Variants in MYT1L observed in about 807,000 individuals in gnomAD.
MYT1L encodes the protein myelin transcription factor 1 like.
Under a neutral mutation model 126.7 loss-of-function variants are expected in MYT1L, and 12 were observed. The ratio of observed to expected loss-of-function variants is 0.09; its 90% CI spans 0.06 to 0.15. The LOEUF is 0.15. Ranked by LOEUF, MYT1L falls within the 10% of genes least tolerant of loss-of-function variation. MYT1L has a pLI of 1.00. For missense variants in MYT1L, 979 were observed against 1,585.2 expected (o/e 0.62, Z 6.49); for synonymous variants, 541 against 604.2 (o/e 0.90, Z 1.53).
chr2:1,813,838 T>C (rs1023441281), intron 21 of MYT1L, among the ~76,000 whole-genome samples: 1 of 125,756 alleles, frequency 8.0e-6, no homozygotes, highest in Non-Finnish European at 1.7e-5. Context: ...CCATCCTGGC[T>C]AACACGGTGA....
chr2:2,053,476 A>G (rs755124826), intron 4 of MYT1L, among the ~76,000 whole-genome samples: 33 of 152,374 alleles, frequency 2.2e-4, no homozygotes, highest in Non-Finnish European at 4.3e-4. Context: ...TTCAAGAAGC[A>G]TGACTCCCAG....
At chr2:2,127,644 T>C (rs1473489854) in intron 3 of MYT1L, among the ~76,000 whole-genome samples, 1 of 152,192 alleles carries the variant, frequency 6.6e-6, no homozygotes, top group African/African-American at 2.4e-5. Context: ...GTTATGTAAA[T>C]GAACCACGCA....
chr2:2,018,969 T>C (rs1380761776), intron 4 of MYT1L, among the ~76,000 whole-genome samples: 1 of 152,182 alleles, frequency 6.6e-6, no homozygotes, highest in African/African-American at 2.4e-5. Flanking sequence ...GAGGATGGTT[T>C]TGACTTGGGT....
chr2:1,864,843 C>T lies in MYT1L; in HGVS notation c.2712-13140G>A, dbSNP rs142879775. On this transcript the variant is annotated intron_variant, in intron 18 of 24. Transcript: ENST00000647738. ...TGAGGAGCCAGCCACATGCCAGGCTCGCAGAGCTGGTGAAGGATGGTGGCT... is the reference window on the plus strand; with the variant it reads ...TGAGGAGCCAGCCACATGCCAGGCTTGCAGAGCTGGTGAAGGATGGTGGCT... 2.2e-3 allele frequency among the ~76,000 whole-genome samples: 334 copies of T among 152,314 alleles called. 2 individuals are homozygous for T. Among genetic ancestry groups the T allele is most frequent in the Middle Eastern group, 0.02 (6 of 294 alleles).
intron 4 of MYT1L, among the ~76,000 whole-genome samples, chr2:2,041,463 G>C (rs1402126089): frequency 6.6e-6 from 1 of 152,164 alleles, no homozygotes; most frequent in African/African-American, 2.4e-5. Context: ...AGCTGAATTG[G>C]AATTAATTGC....
At chr2:2,103,062 T>C (rs1315847287) in intron 3 of MYT1L, among the ~76,000 whole-genome samples, 1 of 152,090 alleles carries the variant, frequency 6.6e-6, no homozygotes, top group Non-Finnish European at 1.5e-5. Context: ...TCTGTTGCCA[T>C]GGACACCATC....
At chr2:1,904,429 C>A (rs948566609) in intron 13 of MYT1L, among the ~76,000 whole-genome samples, 1 of 151,794 alleles carries the variant, frequency 6.6e-6, no homozygotes, top group Non-Finnish European at 1.5e-5. Flanking sequence ...AGTGCAGTGG[C>A]ATGATCTCAG....
intron 4 of MYT1L, among the ~76,000 whole-genome samples, chr2:2,026,721 G>A (rs368255117): frequency 7.2e-5 from 11 of 152,226 alleles, no homozygotes; most frequent in African/African-American, 2.4e-4. Context: ...GAACCTCTCC[G>A]TCCAGGGCGG....
intron 10 of MYT1L, among the ~76,000 whole-genome samples, chr2:1,919,883 C>G (rs912480900): frequency 6.6e-6 from 1 of 152,134 alleles, no homozygotes; most frequent in Non-Finnish European, 1.5e-5. Context: ...CGCCCACCAC[C>G]ACGCCCGGCT....
At chr2:1,813,427 G>A (rs889599550) in intron 21 of MYT1L, among the ~76,000 whole-genome samples, 1 of 152,144 alleles carries the variant, frequency 6.6e-6, no homozygotes, top group African/African-American at 2.4e-5. Flanking sequence ...AGAGCTTCCA[G>A]CAGCTTCTCT....
chr2:2,280,608 G>C (rs1234627587), intron 2 of MYT1L, among the ~76,000 whole-genome samples: 1 of 152,160 alleles, frequency 6.6e-6, no homozygotes, highest in Non-Finnish European at 1.5e-5. Context: ...TCCTTCCCTA[G>C]TGTTATTTTA....
chr2:2,248,441 C>T (rs771633121), intron 2 of MYT1L, among the ~76,000 whole-genome samples: 2 of 151,952 alleles, frequency 1.3e-5, no homozygotes, highest in Admixed American at 6.6e-5. Flanking sequence ...TGAATTCTAC[C>T]AAGCATTTAA....
At chr2:2,032,065 A>G (rs1206586879) in intron 4 of MYT1L, among the ~76,000 whole-genome samples, 1 of 135,088 alleles carries the variant, frequency 7.4e-6, no homozygotes, top group African/African-American at 3.0e-5. Context: ...TGTGGCCCAG[A>G]GCAGATTCTA....
At chr2:2,161,539 C>T (rs1259834405) in intron 3 of MYT1L, among the ~76,000 whole-genome samples, 1 of 152,176 alleles carries the variant, frequency 6.6e-6, no homozygotes, top group Non-Finnish European at 1.5e-5. Context: ...TATGTTGAAT[C>T]CTTCTATTGT....
chr2:1,913,961 A>G (rs2052437880), intron 11 of MYT1L, among the ~76,000 whole-genome samples: 1 of 151,916 alleles, frequency 6.6e-6, no homozygotes, highest in Non-Finnish European at 1.5e-5. Flanking sequence ...AGAGGCTTTT[A>G]CTCAAGAAAC....
At chr2:2,280,212 G>T (rs1160291494) in intron 2 of MYT1L, among the ~76,000 whole-genome samples, 2 of 152,158 alleles carry the variant, frequency 1.3e-5, no homozygotes, top group East Asian at 3.8e-4. Context: ...TACTATTCCT[G>T]CTTATATGAT....
intron 2 of MYT1L, among the ~76,000 whole-genome samples, chr2:2,253,059 A>G (rs1057308838): frequency 1.3e-5 from 2 of 152,132 alleles, no homozygotes; most frequent in Non-Finnish European, 2.9e-5. Context: ...GCAAAATTTT[A>G]GAGTCAATCA....
At chr2:1,978,916 T>C (rs948811809) in intron 8 of MYT1L, among the ~76,000 whole-genome samples, 5 of 152,090 alleles carry the variant, frequency 3.3e-5, no homozygotes, top group Non-Finnish European at 5.9e-5. Context: ...GATGGGAACA[T>C]GAGCTTAAGG....
At chr2:1,985,612 G>A (rs1022800530) in intron 5 of MYT1L, among the ~76,000 whole-genome samples, 3 of 152,142 alleles carry the variant, frequency 2.0e-5, no homozygotes, top group South Asian at 2.1e-4. Context: ...ACAACAACAC[G>A]TATTATCATG....
Sources: gnomAD v4.1 joint callset for allele counts (sites outside exome capture counted in the v4.1 genomes callset) on GRCh38, gnomAD v4.1.1 for gene constraint, MANE v1.5 for transcripts, NCBI Gene and HGNC (gene_info 2026-07-23, HGNC 2026-07-21) for gene names.